The following KAZN variants were observed in gnomAD, a reference collection of about 807,000 sequenced individuals.
KAZN encodes kazrin, periplakin interacting protein, also known as kazrin.
A neutral mutation model predicts 87.4 loss-of-function variants in KAZN; 40 were observed. The ratio of observed to expected loss-of-function variants is 0.46; its 90% confidence interval spans 0.36 to 0.60. The LOEUF is 0.60. Ranked by LOEUF, KAZN falls within the 20% of genes least tolerant of loss-of-function variation. The pLI, the probability that KAZN is intolerant of heterozygous loss-of-function variation, is 0.00. For synonymous variants in KAZN, 466 were observed against 458.3 expected (o/e 1.02, Z -0.22); for missense variants, 898 against 1,073.9 (o/e 0.84, Z 2.29).
intron 1 of KAZN, among the ~76,000 whole-genome samples, chr1:13,952,985 G>A (rs963434070): frequency 2.6e-5 from 4 of 152,096 alleles, no homozygotes; most frequent in African/African-American, 4.8e-5. Context: ...AAAGATATTC[G>A]AACAGCCAAA....
intron 2 of KAZN, among the ~76,000 whole-genome samples, chr1:14,483,663 C>T (rs1669197488): frequency 6.6e-6 from 1 of 152,172 alleles, no homozygotes; most frequent in Non-Finnish European, 1.5e-5. Context: ...TATAGGTTTA[C>T]ATCGGTTTTA....
chr1:14,500,693 A>G (rs367706447), intron 2 of KAZN, among the ~76,000 whole-genome samples: 53 of 152,294 alleles, frequency 3.5e-4, no homozygotes, highest in African/African-American at 1.3e-3. Flanking sequence ...AAGATTGATA[A>G]CACTCACAAA....
intron 1 of KAZN, among the ~76,000 whole-genome samples, chr1:13,941,438 C>A (rs1640923785): frequency 6.6e-6 from 1 of 152,144 alleles, no homozygotes. Flanking sequence ...GACTATGACT[C>A]ACATTTAGGT....
chr1:14,874,984 G>A (rs1241222444), intron 1 of KAZN, among the ~76,000 whole-genome samples: 2 of 152,086 alleles, frequency 1.3e-5, no homozygotes, highest in African/African-American at 2.4e-5. Flanking sequence ...GCAAGTGGGG[G>A]TCCCTGGAGA....
chr1:13,944,171 T>C (rs577495848), intron 1 of KAZN, among the ~76,000 whole-genome samples: 1 of 152,318 alleles, frequency 6.6e-6, no homozygotes, highest in East Asian at 1.9e-4. Flanking sequence ...TATCATACAA[T>C]GGAATACTAT....
chr1:14,616,742 T>G (rs1678274665), intron 1 of KAZN, among the ~76,000 whole-genome samples: 1 of 152,224 alleles, frequency 6.6e-6, no homozygotes, highest in Admixed American at 6.5e-5. Context: ...AGGGTTGCCT[T>G]TTGCATGAAA....
intron 2 of KAZN, among the ~76,000 whole-genome samples, chr1:14,236,755 TA>T (rs1040362017): frequency 3.9e-5 from 6 of 151,992 alleles, no homozygotes; most frequent in Admixed American, 1.3e-4. Context: ...TGGTCTCTAT[TA>T]AAAAACAACA....
intron 1 of KAZN, among the ~76,000 whole-genome samples, chr1:14,915,628 T>G (rs774976369): frequency 2.7e-4 from 41 of 152,222 alleles, no homozygotes; most frequent in Non-Finnish European, 1.2e-4. Context: ...GAGGTGACTG[T>G]TCCCCGCTGC....
chr1:15,103,777 G>A (rs892051751), intron 12 of KAZN, among the ~76,000 whole-genome samples: 1 of 152,174 alleles, frequency 6.6e-6, no homozygotes, highest in African/African-American at 2.4e-5. Context: ...GCAAGTGTGG[G>A]GTTGAGATTC....
At chr1:13,924,286 A>T (rs998614792) in intron 1 of KAZN, among the ~76,000 whole-genome samples, 1 of 152,218 alleles carries the variant, frequency 6.6e-6, no homozygotes, top group Non-Finnish European at 1.5e-5. Context: ...CTGTAATTAA[A>T]AAATTTTAAA....
chr1:14,680,402 G>A (rs1408587453), intron 1 of KAZN, among the ~76,000 whole-genome samples: 6 of 152,114 alleles, frequency 3.9e-5, no homozygotes, highest in African/African-American at 1.2e-4. Context: ...TATCTACGTG[G>A]ATCCTAGAGT....
chr1:15,045,082 T>A (rs1673339939), intron 4 of KAZN, among the ~76,000 whole-genome samples: 1 of 152,200 alleles, frequency 6.6e-6, no homozygotes, highest in Non-Finnish European at 1.5e-5. Flanking sequence ...CCTGCTCCTG[T>A]GTGACCTTGG....
At chr1:13,915,534 C>T (rs1050342507) in intron 1 of KAZN, among the ~76,000 whole-genome samples, 3 of 152,212 alleles carry the variant, frequency 2.0e-5, no homozygotes, top group African/African-American at 7.2e-5. Context: ...CTCTCCATGC[C>T]AATTTCCTCC....
chr1:14,420,088 C>T (rs147919201), intron 2 of KAZN, among the ~76,000 whole-genome samples: 2,215 of 152,216 alleles, frequency 0.015, 32 homozygotes, highest in Non-Finnish European at 0.02. Flanking sequence ...TTGATTGGTC[C>T]GTTTTGACAG....
At chr1:14,723,457 C>T (rs6656371) in intron 1 of KAZN, among the ~76,000 whole-genome samples, 6,502 of 152,254 alleles carry the variant, frequency 0.043, 463 homozygotes, top group African/African-American at 0.15. Flanking sequence ...TTGCTCATCA[C>T]GGCCTGTGGC....
chr1:14,725,919 G>T (rs1643357794), intron 1 of KAZN, among the ~76,000 whole-genome samples: 1 of 152,220 alleles, frequency 6.6e-6, no homozygotes, highest in African/African-American at 2.4e-5. Context: ...CTGCTAATTA[G>T]GGGAGGGAAG....
At chr1:15,108,997 A>G (rs1486029829) in intron 13 of KAZN, among the ~76,000 whole-genome samples, 1 of 152,090 alleles carries the variant, frequency 6.6e-6, no homozygotes, top group Admixed American at 6.5e-5. Flanking sequence ...AAAAATAAGG[A>G]GGGAGGATAT....
intron 1 of KAZN, among the ~76,000 whole-genome samples, chr1:14,065,178 A>C (rs948855247): frequency 9.9e-5 from 15 of 152,218 alleles, no homozygotes; most frequent in African/African-American, 3.6e-4. Flanking sequence ...CAAAGCTCTC[A>C]GGAGGGGAAT....
At chr1:14,023,560 AC>A in intron 1 of KAZN, among the ~76,000 whole-genome samples, 1 of 152,132 alleles carries the variant, frequency 6.6e-6, no homozygotes, top group East Asian at 1.9e-4. Context: ...TGTGATCTAA[AC>A]CCATAGGCTG....
Sources: allele counts gnomAD v4.1 joint callset (sites outside exome capture counted in the v4.1 genomes callset), GRCh38; gene constraint gnomAD v4.1.1; transcripts MANE v1.5; gene names NCBI Gene and HGNC (gene_info 2026-07-23, HGNC 2026-07-21).